The following ARHGEF26 variants were observed in gnomAD, a reference collection of about 807,000 sequenced individuals.
ARHGEF26 encodes the protein Rho guanine nucleotide exchange factor (GEF) 26.
ARHGEF26 carries 59 observed loss-of-function variants against 89.4 expected under a neutral mutation model. That is an observed-to-expected ratio of 0.66 (90% CI 0.54 to 0.82). ARHGEF26 has a LOEUF of 0.82. ARHGEF26 is among the 40% of genes least tolerant of loss of function. The pLI is 0.00. For synonymous variants in ARHGEF26, 500 were observed against 428.4 expected, an observed-to-expected ratio of 1.17 and a Z score of -2.06; for missense variants, 1,234 against 1,085.6, an observed-to-expected ratio of 1.14 and a Z score of -1.92.
In ARHGEF26 at chr3:154,256,821, G is replaced by C; in HGVS notation, c.*1348G>C. 6.6e-7 allele frequency: 1 copy of C among 1,521,966 alleles called. No homozygotes were observed. The highest frequency in any genetic ancestry group is 8.8e-7 in the Non-Finnish European group (1 of 1,142,128). 94.3% of individuals were successfully genotyped at this position (1,521,966 alleles called of 1,614,324 possible). On this transcript the variant is annotated 3_prime_UTR_variant, in exon 15 of 15. Transcript: ENST00000465093. ...AAAGCCTTAACTTGCTGTATTCAGA[G>C]TCCCTCTTAACTGTGAGTTTCTATA...
intron 9 of ARHGEF26, among the ~76,000 whole-genome samples, chr3:154,199,177 A>G (rs369087626): frequency 1.5e-4 from 23 of 150,610 alleles, no homozygotes; most frequent in Non-Finnish European, 3.3e-4. Flanking sequence ...TTTTTTTTTT[A>G]TACCCATTAA....
chr3:154,248,445 AAAATCAC>A (rs1717926396), intron 12 of ARHGEF26, among the ~76,000 whole-genome samples: 1 of 152,244 alleles, frequency 6.6e-6, no homozygotes, highest in African/African-American at 2.4e-5. Flanking sequence ...TCCTTTTAGA[AAAATCAC>A]AACATAAAGA....
intron 6 of ARHGEF26, among the ~76,000 whole-genome samples, chr3:154,164,984 CATT>C (rs1210017669): frequency 3.3e-5 from 5 of 152,068 alleles, no homozygotes; most frequent in African/African-American, 1.2e-4. Flanking sequence ...ATCTAAGTGG[CATT>C]AAGGATTTTT....
At chr3:154,131,972 A>G (rs1356643636) in intron 4 of ARHGEF26, among the ~76,000 whole-genome samples, 2 of 152,328 alleles carry the variant, frequency 1.3e-5, no homozygotes, top group East Asian at 1.9e-4. Context: ...CTATCTTGTA[A>G]TAAAATGTAA....
intron 12 of ARHGEF26, among the ~76,000 whole-genome samples, chr3:154,247,226 A>G (rs1717851266): frequency 6.6e-6 from 1 of 152,128 alleles, no homozygotes; most frequent in Non-Finnish European, 1.5e-5. Context: ...AGCCTGTCCA[A>G]AACCAAACAT....
intron 10 of ARHGEF26, among the ~76,000 whole-genome samples, chr3:154,224,278 C>T (rs115798614): frequency 0.011 from 1,618 of 152,152 alleles, 20 homozygotes; most frequent in African/African-American, 0.037. Context: ...AAATGTTGGG[C>T]TTTTGTTTTC....
chr3:154,123,053 T>C lies in ARHGEF26; in HGVS notation c.1061T>C (p.Phe354Ser). The change falls in exon 2 of 15, where the codon TTT (phenylalanine) becomes TCT (serine). Residue 354 changes from phenylalanine (F) to serine (S), a missense_variant. Coordinates refer to ENST00000465093, the MANE Select transcript of ARHGEF26 (RefSeq NM_015595.4). ...LKVVMEDKEKFSSLGRIKKKM... is the reference protein window; with the variant it reads ...LKVVMEDKEKSSSLGRIKKKM... ...GTGGTGATGGAAGACAAGGAGAAGT[T>C]TTCCAGTCTGGGAAGGATAAAGGTA... 1 of 1,613,968 alleles carries C rather than the reference T, an allele frequency of 6.2e-7. No individual in the cohort carries two copies. The highest frequency in any genetic ancestry group is 8.5e-7 in the Non-Finnish European group (1 of 1,179,888).
intron 12 of ARHGEF26, among the ~76,000 whole-genome samples, chr3:154,243,293 G>C (rs555931519): frequency 9.9e-5 from 15 of 152,252 alleles, no homozygotes; most frequent in African/African-American, 3.6e-4. Context: ...TGAAAGTGTT[G>C]CTGGTTTTGC....
chr3:154,167,410 G>T (rs357487), intron 6 of ARHGEF26, among the ~76,000 whole-genome samples: 1 of 152,134 alleles, frequency 6.6e-6, no homozygotes, highest in Non-Finnish European at 1.5e-5. Flanking sequence ...TTTCCTTACC[G>T]CTCAATCTTC....
intron 7 of ARHGEF26, among the ~76,000 whole-genome samples, chr3:154,189,834 T>C (rs1013035878): frequency 4.9e-5 from 5 of 101,512 alleles, no homozygotes; most frequent in Non-Finnish European, 9.6e-5. Context: ...GAGGTTTTTG[T>C]TTTTTTTTTT....
intron 9 of ARHGEF26, among the ~76,000 whole-genome samples, chr3:154,205,786 G>T (rs967876673): frequency 1.3e-5 from 2 of 152,076 alleles, no homozygotes; most frequent in Non-Finnish European, 2.9e-5. Flanking sequence ...CCTTAACTTT[G>T]TACCCCCACT....
At chr3:154,139,603 T>TG (rs1176261221) in intron 4 of ARHGEF26, among the ~76,000 whole-genome samples, 1 of 152,166 alleles carries the variant, frequency 6.6e-6, no homozygotes, top group Non-Finnish European at 1.5e-5. Context: ...TATCCTCTTG[T>TG]GGGGTCTCCT....
At chr3:154,206,708 A>G (rs1410986872) in intron 9 of ARHGEF26, among the ~76,000 whole-genome samples, 1 of 152,200 alleles carries the variant, frequency 6.6e-6, no homozygotes, top group Non-Finnish European at 1.5e-5. Context: ...TATAGATTCA[A>G]TGCTTTTATT....
At position 154,129,722 on chromosome 3, in the gene ARHGEF26, G is replaced by A. The variant is rs766220298; in HGVS notation, c.1269+3G>A. 4 of 1,608,658 alleles carry A rather than the reference G, an allele frequency of 2.5e-6. No individual in the cohort carries two copies. The highest frequency in any genetic ancestry group is 2.5e-6 in the Non-Finnish European group (3 of 1,177,596). On this transcript the variant is annotated splice_donor_region_variant and intron_variant, in intron 4 of 14. Coordinates refer to ENST00000465093, the MANE Select transcript of ARHGEF26 (RefSeq NM_015595.4). ...CCACATGGAGCCAACTCTCTGCGGT[G>A]AGTGTTTATCTTCTTTTCTATCTGT...
chr3:154,188,639 T>C (rs1381822222), intron 7 of ARHGEF26, among the ~76,000 whole-genome samples: 1 of 152,140 alleles, frequency 6.6e-6, no homozygotes, highest in African/African-American at 2.4e-5. Flanking sequence ...CACCCCCTCC[T>C]GTGAGTTGTG....
chr3:154,174,360 C>T (rs1238959982), intron 6 of ARHGEF26, among the ~76,000 whole-genome samples: 1 of 152,120 alleles, frequency 6.6e-6, no homozygotes, highest in African/African-American at 2.4e-5. Flanking sequence ...GCAGTTTCAA[C>T]CCACCAGCCA....
Position 154,121,944 on chromosome 3 carries a change from A to T in ARHGEF26, c.-49A>T. ...TTCCTAACTTCTTTCCTCTTTAGGC[A>T]AGACTAACTCGGTGTTGCTCCTCCC... is the stretch of plus-strand genomic sequence containing the variant. On this transcript the variant is annotated splice_region_variant and 5_prime_UTR_variant, in exon 2 of 15. Coordinates refer to ENST00000465093, the MANE Select transcript of ARHGEF26 (RefSeq NM_015595.4). 6.5e-7 allele frequency: 1 copy of T among 1,535,074 alleles called. No individual in the cohort carries two copies. The highest frequency in any genetic ancestry group is 8.8e-7 in the Non-Finnish European group (1 of 1,138,086).
At chr3:154,190,386 G>A (rs1176150490) in intron 7 of ARHGEF26, among the ~76,000 whole-genome samples, 1 of 152,160 alleles carries the variant, frequency 6.6e-6, no homozygotes, top group Admixed American at 6.5e-5. Context: ...GCACACACCT[G>A]TAATCCCAGT....
chr3:154,129,542 A>G (rs960634688), intron 3 of ARHGEF26, 32 bp from the exon 4 acceptor site: 4 of 1,601,762 alleles, frequency 2.5e-6, no homozygotes, highest in Non-Finnish European at 3.4e-6. Context: ...ATTGAGAACA[A>G]TTAGTGACAC....
Sources: allele counts gnomAD v4.1 joint callset (sites outside exome capture counted in the v4.1 genomes callset), GRCh38; gene constraint gnomAD v4.1.1; transcripts MANE v1.5; gene names NCBI Gene and HGNC (gene_info 2026-07-23, HGNC 2026-07-21).